The following GSDMC variants were observed in gnomAD, a reference collection of about 807,000 sequenced individuals.
GSDMC encodes gasdermin-C.
GSDMC carries 59 observed loss-of-function variants against 58.0 expected under a neutral mutation model. The ratio of observed to expected loss-of-function variants is 1.02; its 90% confidence interval spans 0.82 to 1.26. The LOEUF (loss-of-function observed/expected upper bound fraction) is 1.26. Among genes scored for constraint, GSDMC ranks in the 50% most tolerant of loss-of-function variants. The probability of loss-of-function intolerance (pLI) is 0.00; values close to 1 mark genes in which losing one functional copy is unlikely to be tolerated. For synonymous variants in GSDMC, 241 were observed against 220.2 expected, an observed-to-expected ratio of 1.09 and a Z score of -0.83; for missense variants, 659 against 598.5, an observed-to-expected ratio of 1.10 and a Z score of -1.06.
chr8:129,730,171 A>C, the GSDMC span: 1 of 1,119,400 alleles, frequency 8.9e-7, no homozygotes, highest in Non-Finnish European at 1.2e-6. Context: ...GCTATGAAAA[A>C]GTTATGTGTA....
downstream of GSDMC, among the ~76,000 whole-genome samples, chr8:129,744,312 C>G (rs1296528725): frequency 6.6e-6 from 1 of 152,142 alleles, no homozygotes; most frequent in Non-Finnish European, 1.5e-5. Flanking sequence ...AGAAAGAGAG[C>G]AGATTCACTA....
the GSDMC span, among the ~76,000 whole-genome samples, chr8:129,716,316 G>T: frequency 1.3e-5 from 2 of 152,142 alleles, no homozygotes; most frequent in South Asian, 2.1e-4. Flanking sequence ...GGTAAGAAAA[G>T]ATATAATGTA....
At chr8:129,749,821 T>G (rs574849624) in intron 12 of GSDMC, among the ~76,000 whole-genome samples, 169 bp downstream of exon 12, 1 of 152,198 alleles carries the variant, frequency 6.6e-6, no homozygotes, top group Admixed American at 6.5e-5. Flanking sequence ...TTCTGTGTCA[T>G]ACGGCAAGTT....
the GSDMC span, among the ~76,000 whole-genome samples, chr8:129,717,966 C>A: frequency 6.6e-6 from 1 of 152,038 alleles, no homozygotes; most frequent in African/African-American, 2.4e-5. Context: ...AACTGGCTAG[C>A]CATATGCAGA....
intron 12 of GSDMC, 101 bp from the exon 13 acceptor site, chr8:129,749,626 G>A: frequency 1.1e-6 from 1 of 879,648 alleles, no homozygotes; most frequent in Non-Finnish European, 1.9e-6. Flanking sequence ...CTCCAAGGCA[G>A]AGGAATAAAA....
intron 3 of GSDMC, among the ~76,000 whole-genome samples, chr8:129,771,264 GA>G (rs938122201): frequency 9.5e-5 from 14 of 147,540 alleles, no homozygotes; most frequent in South Asian, 4.2e-4. Context: ...ACGTCCCCCA[GA>G]AAAAAAAAAT....
chr8:129,772,178 A>G (rs188952911), intron 3 of GSDMC, among the ~76,000 whole-genome samples: 30 of 150,926 alleles, frequency 2.0e-4, no homozygotes, highest in South Asian at 6.3e-4. Context: ...GGAGAATGGC[A>G]TGAACCCGGG....
chr8:129,729,755 G>A, the GSDMC span: 1 of 587,278 alleles, frequency 1.7e-6, no homozygotes. Context: ...ATTGTAAAAA[G>A]TGTCGCAATA....
At chr8:129,771,330 C>T (rs1393592816) in intron 3 of GSDMC, among the ~76,000 whole-genome samples, 1 of 151,944 alleles carries the variant, frequency 6.6e-6, no homozygotes, top group Non-Finnish European at 1.5e-5. Flanking sequence ...ACCTAACAGA[C>T]ATATACAGAA....
chr8:129,764,552 G>A (rs533806388), intron 4 of GSDMC, among the ~76,000 whole-genome samples: 34 of 152,176 alleles, frequency 2.2e-4, no homozygotes, highest in Non-Finnish European at 4.6e-4. Flanking sequence ...CCTAAATCTA[G>A]AACCCACAGG....
chr8:129,780,815 A>G (rs2034383525), intron 1 of GSDMC, among the ~76,000 whole-genome samples: 2 of 152,196 alleles, frequency 1.3e-5, no homozygotes, highest in Admixed American at 6.5e-5. Context: ...ACGATAAACC[A>G]ATCAAAAGCA....
intron 3 of GSDMC, among the ~76,000 whole-genome samples, chr8:129,770,051 G>A (rs1171937388): frequency 6.6e-6 from 1 of 152,122 alleles, no homozygotes; most frequent in Non-Finnish European, 1.5e-5. Context: ...GTATAAAAAT[G>A]TTTTACGTAT....
rs1276482147 is a variant in GSDMC at position 129,748,232 on chromosome 8, A to G, written c.*269T>C. ...TTTGTTTTTATTATTTTGAAGTAAAATTTATACATAGTGAAACGCTTACGT... is the reference window on the plus strand; with the variant it reads ...TTTGTTTTTATTATTTTGAAGTAAAGTTTATACATAGTGAAACGCTTACGT... On this transcript the variant is annotated 3_prime_UTR_variant, in exon 14 of 14. Transcript: ENST00000276708. 1 of 266,712 alleles carries G rather than the reference A, an allele frequency of 3.7e-6. No homozygotes were observed. The highest frequency in any genetic ancestry group is 7.0e-6 in the Non-Finnish European group (1 of 142,902). 16.5% of individuals were successfully genotyped at this position (266,712 alleles called of 1,614,324 possible).
chr8:129,727,752 G>A, the GSDMC span, among the ~76,000 whole-genome samples: 35 of 152,186 alleles, frequency 2.3e-4, no homozygotes, highest in African/African-American at 7.7e-4. Flanking sequence ...TAAGAGATTG[G>A]AGCACCTGCT....
At chr8:129,784,728 C>A (rs1255391177) in intron 1 of GSDMC, among the ~76,000 whole-genome samples, 4 of 152,206 alleles carry the variant, frequency 2.6e-5, no homozygotes, top group African/African-American at 4.8e-5. Context: ...TACAACCCAG[C>A]AACCTCTCTG....
rs758388971 is a variant in GSDMC at position 129,765,763 on chromosome 8, C to T, written c.435G>A (p.Leu145=). The part of the protein sequence containing the change: ...RKLLDPEPSF[L]KECRRRGDNL... ...TGTCCCCTCTCCTCCGGCACTCCTT[C>T]AGAAATGATGGCTCTGGATCCAACA... The change falls in exon 4 of 14, where the codon CTG becomes CTA. Residue 145 remains leucine (L), a synonymous_variant. Transcript: ENST00000276708. The T allele has an allele frequency of 6.2e-7, 1 of 1,613,968 alleles. No individual in the cohort carries two copies. Among genetic ancestry groups the T allele is most frequent in the Non-Finnish European group, 8.5e-7 (1 of 1,179,886 alleles).
downstream of GSDMC, among the ~76,000 whole-genome samples, chr8:129,747,182 G>A (rs967975971): frequency 1.3e-5 from 2 of 151,908 alleles, no homozygotes; most frequent in Admixed American, 6.6e-5. Flanking sequence ...ACTTGAACCT[G>A]GGAGGTGGAG....
intron 6 of GSDMC, among the ~76,000 whole-genome samples, chr8:129,757,750 G>A (rs2033498964): frequency 6.6e-6 from 1 of 152,116 alleles, no homozygotes; most frequent in African/African-American, 2.4e-5. Flanking sequence ...CAGCACTTTG[G>A]GAGGCCAAGG....
chr8:129,730,247 T>A, the GSDMC span: 1 of 1,335,748 alleles, frequency 7.5e-7, no homozygotes, highest in Non-Finnish European at 1.0e-6. Flanking sequence ...AAATTCAGAT[T>A]GGAAGTAAAG....
Sources: allele counts gnomAD v4.1 joint callset (sites outside exome capture counted in the v4.1 genomes callset), GRCh38; gene constraint gnomAD v4.1.1; transcripts MANE v1.5; gene names NCBI Gene and HGNC (gene_info 2026-07-23, HGNC 2026-07-21).